Variants in PKHD1 observed in about 807,000 individuals in gnomAD.
The protein encoded by PKHD1 is PKHD1 ciliary IPT domain containing fibrocystin/polyductin.
In PKHD1, 291 loss-of-function variants were observed where a neutral mutation model predicts 412.0. The ratio of observed to expected loss-of-function variants is 0.71; its 90% CI spans 0.64 to 0.78. The LOEUF is 0.78. Ranked by LOEUF, PKHD1 falls within the 30% of genes least tolerant of loss-of-function variation. PKHD1 has a pLI of 0.00. For missense variants in PKHD1, 4,825 were observed against 4,950.7 expected (o/e 0.97, Z 0.76); for synonymous variants, 1,777 against 1,821.5 (o/e 0.98, Z 0.62).
intron 60 of PKHD1, among the ~76,000 whole-genome samples, chr6:51,673,486 A>T (rs1775333981): frequency 6.6e-6 from 1 of 152,356 alleles, no homozygotes; most frequent in South Asian, 2.1e-4. Flanking sequence ...TAGCAAGTTC[A>T]GATAAATAGC....
At chr6:51,736,397 T>C (rs570533623) in intron 60 of PKHD1, among the ~76,000 whole-genome samples, 23 of 152,132 alleles carry the variant, frequency 1.5e-4, no homozygotes, top group African/African-American at 5.3e-4. Flanking sequence ...AGTGACAAAA[T>C]AAGGTGAAGG....
At chr6:51,816,276 C>G (rs1441073884) in intron 52 of PKHD1, among the ~76,000 whole-genome samples, 1 of 152,134 alleles carries the variant, frequency 6.6e-6, no homozygotes, top group African/African-American at 2.4e-5. Context: ...AGTAAGTCAT[C>G]ATTCAAACCT....
intron 16 of PKHD1, among the ~76,000 whole-genome samples, chr6:52,057,538 T>C (rs1416602124): frequency 1.3e-5 from 2 of 152,126 alleles, no homozygotes; most frequent in Non-Finnish European, 2.9e-5. Flanking sequence ...TGCCTCAGCC[T>C]CCCAAGTAGC....
At chr6:52,081,667 A>C (rs985548579) in intron 4 of PKHD1, among the ~76,000 whole-genome samples, 1 of 152,232 alleles carries the variant, frequency 6.6e-6, no homozygotes, top group South Asian at 2.1e-4. Flanking sequence ...TCTCCTTTCA[A>C]AAAAGGGAAA....
chr6:51,968,434 C>T (rs879461104), intron 35 of PKHD1, among the ~76,000 whole-genome samples: 41 of 152,228 alleles, frequency 2.7e-4, no homozygotes, highest in African/African-American at 9.4e-4. Flanking sequence ...GCTCACAGCT[C>T]ACTGAGGGCA....
rs6907606 is a variant in PKHD1 at position 51,988,345 on chromosome 6, C to A, written c.5751+21964G>T. Among the ~76,000 whole-genome samples the A allele has an allele frequency of 3.3e-3, 502 of 152,156 alleles. 1 individual carries two copies. Among genetic ancestry groups the A allele is most frequent in the African/African-American group, 0.011 (472 of 41,518 alleles). ...TAAATTTTTATTTTAAATATAATAT[C>A]TCAAACATAATAATTAATTCTATTG... On this transcript the variant is annotated intron_variant, in intron 35 of 66. Transcript: ENST00000371117.
At chr6:51,633,120 G>A (rs1421647636) in intron 64 of PKHD1, among the ~76,000 whole-genome samples, 3 of 152,100 alleles carry the variant, frequency 2.0e-5, no homozygotes, top group Admixed American at 1.3e-4. Context: ...TACTCAATAC[G>A]TGCCATATAA....
At chr6:51,853,686 C>T (rs1237574723) in intron 49 of PKHD1, among the ~76,000 whole-genome samples, 1 of 152,104 alleles carries the variant, frequency 6.6e-6, no homozygotes, top group African/African-American at 2.4e-5. Context: ...CTCTGATATC[C>T]TTTCTTTTAC....
chr6:51,837,390 C>T (rs1223933181), intron 50 of PKHD1, among the ~76,000 whole-genome samples: 1 of 152,098 alleles, frequency 6.6e-6, no homozygotes, highest in African/African-American at 2.4e-5. Context: ...ATGAAATAAA[C>T]ACAGGATCAT....
At chr6:51,933,707 G>A (rs917529056) in intron 37 of PKHD1, among the ~76,000 whole-genome samples, 5 of 152,174 alleles carry the variant, frequency 3.3e-5, no homozygotes, top group Non-Finnish European at 1.5e-5. Flanking sequence ...GGAAGAAAAC[G>A]AAATGGCTAA....
rs1328297527 is a variant in PKHD1 at position 51,959,879 on chromosome 6, G to A, written c.5899C>T (p.His1967Tyr). 6.2e-7 allele frequency: 1 copy of A among 1,612,846 alleles called. No homozygotes were observed. Among genetic ancestry groups the A allele is most frequent in the South Asian group, 1.1e-5 (1 of 91,060 alleles). ...DTNTSILNLLHIKGGKLIFMA... is the reference protein window; with the variant it reads ...DTNTSILNLLYIKGGKLIFMA... ...TACAAACTTCACACACCTTTAATGTGCAGTAAGTTGAGGATGCTTGTGTTA... is the reference window on the plus strand; with the variant it reads ...TACAAACTTCACACACCTTTAATGTACAGTAAGTTGAGGATGCTTGTGTTA... Residue 1967 changes from histidine to tyrosine, a missense_variant, in exon 36 of 67, where the codon CAC becomes TAC. Transcript: ENST00000371117.
At chr6:51,967,688 C>T (rs968058534) in intron 35 of PKHD1, among the ~76,000 whole-genome samples, 2 of 151,880 alleles carry the variant, frequency 1.3e-5, no homozygotes, top group Non-Finnish European at 2.9e-5. Flanking sequence ...ATGCCACTCA[C>T]GCACTCACGT....
chr6:51,759,719 G>C (rs1214466719), intron 55 of PKHD1, among the ~76,000 whole-genome samples: 1 of 151,926 alleles, frequency 6.6e-6, no homozygotes, highest in African/African-American at 2.4e-5. Context: ...CCAGAAACTG[G>C]GCTTAACACC....
intron 31 of PKHD1, among the ~76,000 whole-genome samples, chr6:52,027,275 T>C (rs1213937346): frequency 1.3e-5 from 2 of 151,064 alleles, no homozygotes; most frequent in Non-Finnish European, 3.0e-5. Context: ...CTCATGCCTG[T>C]AATCCCAGCA....
At chr6:51,869,874 A>G (rs1303514126) in intron 47 of PKHD1, among the ~76,000 whole-genome samples, 2 of 152,168 alleles carry the variant, frequency 1.3e-5, no homozygotes, top group Non-Finnish European at 2.9e-5. Flanking sequence ...CCACAAGAGC[A>G]TATTTACTTA....
intron 52 of PKHD1, among the ~76,000 whole-genome samples, chr6:51,820,101 G>A (rs966130712): frequency 1.3e-5 from 2 of 152,170 alleles, no homozygotes; most frequent in Non-Finnish European, 2.9e-5. Flanking sequence ...TTGGCTCTTG[G>A]CTACAGCTTA....
chr6:52,033,155 C>G lies in PKHD1; in HGVS notation c.3239G>C (p.Gly1080Ala). The change falls in exon 29 of 67, where the codon GGA becomes GCA. Residue 1080 changes from glycine (G) to alanine (A), a missense_variant. Gly to Ala is a moderately conservative substitution (Grantham distance 60, BLOSUM62 0). Coordinates refer to ENST00000371117, the MANE Select transcript of PKHD1 (RefSeq NM_138694.4). ...GATCACAGTCACATTCACAATGCGTCCATCTTTCCCCTGAAAAATCAATTT... is the reference window on the plus strand; with the variant it reads ...GATCACAGTCACATTCACAATGCGTGCATCTTTCCCCTGAAAAATCAATTT... Reference protein sequence around the residue: ...QCKVPPRGKDGRIVNVTVIRG... With the variant: ...QCKVPPRGKDARIVNVTVIRG... 1 of 1,612,466 alleles carries G rather than the reference C, an allele frequency of 6.2e-7. No homozygotes were observed. The highest frequency in any genetic ancestry group is 8.5e-7 in the Non-Finnish European group (1 of 1,178,654).
At position 51,801,698 on chromosome 6, in the gene PKHD1, G is replaced by A. The variant is rs374786149; in HGVS notation, c.8303-10325C>T. On this transcript the variant is annotated intron_variant, in intron 52 of 66. Coordinates refer to ENST00000371117, the MANE Select transcript of PKHD1 (RefSeq NM_138694.4). ...GAGAGAGAGACAGGATGGAAGGGGA[G>A]GAGAGAAAAATAGCTCTTCTCACTC... is the stretch of plus-strand genomic sequence containing the variant. 7.7e-5 allele frequency among the ~76,000 whole-genome samples: 9 copies of A among 117,520 alleles called. No homozygotes were observed. In the East Asian group the frequency reaches 2.3e-3, roughly 30 times the overall value. 77.1% of individuals were successfully genotyped at this position (117,520 alleles called of 152,430 possible).
At chr6:51,992,299 A>G (rs911341356) in intron 35 of PKHD1, among the ~76,000 whole-genome samples, 1 of 152,242 alleles carries the variant, frequency 6.6e-6, no homozygotes, top group African/African-American at 2.4e-5. Context: ...GTGGCATCAT[A>G]GCAAGTATTG....
Sources: gnomAD v4.1 joint callset for allele counts (sites outside exome capture counted in the v4.1 genomes callset) on GRCh38, gnomAD v4.1.1 for gene constraint, MANE v1.5 for transcripts, NCBI Gene and HGNC (gene_info 2026-07-23, HGNC 2026-07-21) for gene names.